Variants in PCID2 observed in about 807,000 individuals in gnomAD.
PCID2 encodes the protein PCI domain-containing protein 2.
PCID2 carries 41 observed loss-of-function variants against 61.3 expected under a neutral mutation model. The observed-to-expected ratio is 0.67, with a 90% CI of 0.52 to 0.87. The LOEUF (loss-of-function observed/expected upper bound fraction) is 0.87, where lower values mean the gene tolerates loss of function less well. PCID2 is among the 40% of genes least tolerant of loss of function. PCID2 has a pLI of 0.00. For synonymous variants in PCID2, 187 were observed against 177.8 expected (o/e 1.05, Z -0.41); for missense variants, 392 against 493.4 (o/e 0.79, Z 1.95).
intron 6 of PCID2, among the ~76,000 whole-genome samples, chr13:113,194,120 G>T (rs2038824546): frequency 6.6e-6 from 1 of 152,212 alleles, no homozygotes; most frequent in Non-Finnish European, 1.5e-5. Flanking sequence ...ACCTGGTGGG[G>T]AGGGGGACTA....
At chr13:113,193,521 G>GACACT (rs2038776875) in intron 6 of PCID2, among the ~76,000 whole-genome samples, 1 of 152,142 alleles carries the variant, frequency 6.6e-6, no homozygotes. Context: ...AAAGTGATGT[G>GACACT]ACACTACTTT....
At chr13:113,189,959 G>A (rs1354141482) in intron 7 of PCID2, among the ~76,000 whole-genome samples, 1 of 151,906 alleles carries the variant, frequency 6.6e-6, no homozygotes, top group East Asian at 1.9e-4. Flanking sequence ...GGAGGCGGAG[G>A]TTGCAGTGAG....
chr13:113,179,013 C>T lies in PCID2; in HGVS notation c.1063G>A (p.Val355Met), dbSNP rs192089009. 35 of 1,613,780 alleles carry T rather than the reference C, an allele frequency of 2.2e-5. No individual in the cohort carries two copies. The highest frequency in any genetic ancestry group is 6.7e-5 in the East Asian group (3 of 44,870). ...VALKFMQVED[V>M]DIDEVQCILA... ...ATACACTGAACTTCGTCAATGTCCACGTCCTCCACCTGCATGAACTTCAAG... is the reference window on the plus strand; with the variant it reads ...ATACACTGAACTTCGTCAATGTCCATGTCCTCCACCTGCATGAACTTCAAG... Residue 355 changes from valine (V) to methionine (M), a missense_variant, in exon 13 of 14, where the codon GTG (valine) becomes ATG (methionine). Physicochemically the swap from Val to Met is conservative, Grantham distance 21. Transcript: ENST00000337344. The surrounding 1 kb of genome is among the most constrained non-coding windows in gnomAD (Gnocchi z 4.3).
At chr13:113,172,048 G>A in the PCID2 span, 1 of 1,613,050 alleles carries the variant, frequency 6.2e-7, no homozygotes, top group Non-Finnish European at 8.5e-7. Flanking sequence ...AGGCTCACAT[G>A]GTCCTTGTCA....
At chr13:113,189,860 T>A (rs973697195) in intron 7 of PCID2, among the ~76,000 whole-genome samples, 3 of 152,008 alleles carry the variant, frequency 2.0e-5, no homozygotes, top group Non-Finnish European at 4.4e-5. Context: ...CCATCTCTAC[T>A]AAAAATACAA....
At position 113,178,096 on chromosome 13, in the gene PCID2, T is replaced by G. The variant is rs1286790077; in HGVS notation, c.*102A>C. Reference sequence around the variant, plus strand: ...CCCTGGGAAAAGCGCCTCCAAGAGTTCCGGCTTCAGGGAGCCTTGTTGCAG... The same window carrying G: ...CCCTGGGAAAAGCGCCTCCAAGAGTGCCGGCTTCAGGGAGCCTTGTTGCAG... On this transcript the variant is annotated 3_prime_UTR_variant, in exon 14 of 14. Coordinates refer to ENST00000337344, the MANE Select transcript of PCID2 (RefSeq NM_001127202.4). 3 of 743,808 alleles carry G rather than the reference T, an allele frequency of 4.0e-6. No individual in the cohort carries two copies. The highest frequency in any genetic ancestry group is 6.7e-6 in the Non-Finnish European group (3 of 448,100). 46.1% of individuals were successfully genotyped at this position (743,808 alleles called of 1,614,324 possible).
chr13:113,192,854 G>A (rs1422939360), intron 6 of PCID2, among the ~76,000 whole-genome samples: 1 of 152,162 alleles, frequency 6.6e-6, no homozygotes, highest in African/African-American at 2.4e-5. Context: ...TCAAAGTGAC[G>A]GTGTTTGGAA....
rs1462640824 is a variant in PCID2 at position 113,184,233 on chromosome 13, C to CCA, written c.685+111_685+112dup. On this transcript the variant is annotated intron_variant, in intron 9 of 13. Coordinates refer to ENST00000337344, the MANE Select transcript of PCID2 (RefSeq NM_001127202.4). ...GTCAAATATGTATATATAACTTGGT[C>CCA]CACATTTAAAAATAAAATACAGTAA... 5 of 1,024,804 alleles carry CCA rather than the reference C, an allele frequency of 4.9e-6. No individual in the cohort carries two copies. In the East Asian group the frequency reaches 1.2e-4, roughly 25 times the overall value. The allele number at this position is 1,024,804 out of a possible 1,614,324, so 63.5% of individuals were successfully genotyped here.
At chr13:113,198,124 G>A in intron 3 of PCID2, 67 bp downstream of exon 3, 1 of 1,073,338 alleles carries the variant, frequency 9.3e-7, no homozygotes. Flanking sequence ...GATAATGCAA[G>A]ATAAAATCCC....
intron 3 of PCID2, among the ~76,000 whole-genome samples, chr13:113,197,461 C>G (rs1045223822): frequency 6.6e-6 from 1 of 152,194 alleles, no homozygotes; most frequent in Non-Finnish European, 1.5e-5. Flanking sequence ...GACCTAGCAC[C>G]AGCAGGTTTA....
intron 6 of PCID2, among the ~76,000 whole-genome samples, chr13:113,192,764 G>C (rs1378929799): frequency 6.6e-6 from 1 of 152,176 alleles, no homozygotes; most frequent in Admixed American, 6.5e-5. Context: ...GCATGGCTCA[G>C]TAAGCTAATA....
Position 113,178,293 on chromosome 13 carries a change from G to A in PCID2, c.1111-6C>T. The A allele has an allele frequency of 6.2e-7, 1 of 1,607,692 alleles. No homozygotes were observed. Among genetic ancestry groups the A allele is most frequent in the South Asian group, 1.1e-5 (1 of 90,878 alleles). On this transcript the variant is annotated splice_region_variant and splice_polypyrimidine_tract_variant and intron_variant, in intron 13 of 13. Transcript: ENST00000337344. Reference sequence around the variant, plus strand: ...ATGTAGCCTTTGACGTGTCCCTGCGGGGCAGAAAGGGAGGAATGCGTTTAC... The same window carrying A: ...ATGTAGCCTTTGACGTGTCCCTGCGAGGCAGAAAGGGAGGAATGCGTTTAC...
the PCID2 span, chr13:113,170,437 A>G: frequency 1.2e-6 from 2 of 1,606,906 alleles, no homozygotes; most frequent in Non-Finnish European, 1.7e-6. Context: ...TTCCGAAGGA[A>G]AAGACTTCTG....
intron 1 of PCID2, chr13:113,208,064 A>G: frequency 6.2e-7 from 1 of 1,612,832 alleles, no homozygotes; most frequent in Non-Finnish European, 8.5e-7. Context: ...GTACCGAGCG[A>G]TATGAAGTGT....
intron 1 of PCID2, chr13:113,200,770 A>G (rs2039372075): frequency 3.3e-6 from 1 of 303,572 alleles, no homozygotes; most frequent in East Asian, 8.6e-5. Flanking sequence ...GCAGTGGCGC[A>G]ATCGTAAACA....
intron 1 of PCID2, chr13:113,208,249 C>G (rs1028265921): frequency 2.8e-6 from 4 of 1,442,536 alleles, no homozygotes; most frequent in Non-Finnish European, 2.7e-6. Flanking sequence ...CCGCCCACAG[C>G]GGGCCCTCGG....
At chr13:113,170,154 CTG>C in the PCID2 span, among the ~76,000 whole-genome samples, 2 of 152,320 alleles carry the variant, frequency 1.3e-5, no homozygotes, top group East Asian at 3.9e-4. Context: ...AATCTGATCA[CTG>C]TTACTTCACC....
intron 1 of PCID2, among the ~76,000 whole-genome samples, chr13:113,203,182 G>T (rs1269709212): frequency 6.6e-6 from 1 of 152,378 alleles, no homozygotes; most frequent in South Asian, 2.1e-4. Flanking sequence ...GGTTGGAGGT[G>T]TAAGCAGGAA....
At chr13:113,196,442 ACT>A (rs1270068232) in intron 4 of PCID2, among the ~76,000 whole-genome samples, 1 of 152,358 alleles carries the variant, frequency 6.6e-6, no homozygotes, top group Admixed American at 6.5e-5. Context: ...TTTCATACAC[ACT>A]GTCTCCTAAA....
Sources: allele counts gnomAD v4.1 joint callset (sites outside exome capture counted in the v4.1 genomes callset), GRCh38; gene constraint gnomAD v4.1.1; non-coding constraint Gnocchi (gnomAD v3.1); transcripts MANE v1.5; gene names NCBI Gene and HGNC (gene_info 2026-07-23, HGNC 2026-07-21).